Variants in VDAC1 observed in about 807,000 individuals in gnomAD.
The protein encoded by VDAC1 is non-selective voltage-gated ion channel VDAC1.
In VDAC1, 10 loss-of-function variants were observed where a neutral mutation model predicts 34.7. The observed-to-expected ratio is 0.29, with a 90% CI of 0.18 to 0.49. The LOEUF (loss-of-function observed/expected upper bound fraction) is 0.49, where lower values mean the gene tolerates loss of function less well. Ranked by LOEUF, VDAC1 falls within the 20% of genes least tolerant of loss-of-function variation. The pLI, the probability that VDAC1 is intolerant of heterozygous loss-of-function variation, is 0.99. For synonymous variants in VDAC1, 130 were observed against 136.0 expected, an observed-to-expected ratio of 0.96 and a Z score of 0.30; for missense variants, 230 against 347.9, an observed-to-expected ratio of 0.66 and a Z score of 2.69.
chr5:134,042,054 C>T, the VDAC1 span, among the ~76,000 whole-genome samples: 29 of 152,278 alleles, frequency 1.9e-4, no homozygotes, highest in African/African-American at 5.5e-4. Flanking sequence ...CTGAGCTGCC[C>T]GAGCAGAAAC....
the VDAC1 span, among the ~76,000 whole-genome samples, chr5:134,021,704 A>G: frequency 6.6e-6 from 1 of 152,178 alleles, no homozygotes; most frequent in Non-Finnish European, 1.5e-5. Context: ...CCTTACCACA[A>G]AATGTGGTGC....
the VDAC1 span, among the ~76,000 whole-genome samples, chr5:134,100,768 C>A: frequency 1.3e-5 from 2 of 152,248 alleles, no homozygotes; most frequent in African/African-American, 4.8e-5. Context: ...CAAGAAAGTG[C>A]TGTGCCTCCC....
At chr5:134,103,184 C>T in the VDAC1 span, among the ~76,000 whole-genome samples, 78 of 152,220 alleles carry the variant, frequency 5.1e-4, no homozygotes, top group African/African-American at 1.7e-3. Flanking sequence ...TGCAGTGGTG[C>T]AATCTCAGCT....
chr5:134,000,320 G>A (rs1753495806), intron 1 of VDAC1, among the ~76,000 whole-genome samples: 1 of 152,172 alleles, frequency 6.6e-6, no homozygotes, highest in Non-Finnish European at 1.5e-5. Flanking sequence ...TCCAGGGGTA[G>A]CTTCTATTTT....
the VDAC1 span, among the ~76,000 whole-genome samples, chr5:134,055,588 GTTTTTTTTTTTT>G: frequency 0.012 from 723 of 59,628 alleles, 28 homozygotes; most frequent in African/African-American, 0.05. Context: ...CCCCGCTAAT[GTTTTTTTTTTTT>G]TTTTTTTTTT....
chr5:134,033,079 C>T, the VDAC1 span, among the ~76,000 whole-genome samples: 4 of 146,576 alleles, frequency 2.7e-5, no homozygotes, highest in Middle Eastern at 3.8e-3. Context: ...GGAGAGGAAA[C>T]GAGAGAGAGG....
intron 5 of VDAC1, among the ~76,000 whole-genome samples, chr5:133,982,639 CAACACTTCGGGAG>C (rs1214722802): frequency 6.6e-6 from 1 of 152,108 alleles, no homozygotes; most frequent in Non-Finnish European, 1.5e-5. Context: ...CCTATAATCC[CAACACTTCGGGAG>C]GCCGAGGTGG....
At chr5:134,067,887 G>A in the VDAC1 span, among the ~76,000 whole-genome samples, 2 of 152,154 alleles carry the variant, frequency 1.3e-5, no homozygotes, top group Non-Finnish European at 2.9e-5. Flanking sequence ...GGAGGCCAAG[G>A]AAGGCGGATC....
At chr5:133,989,783 C>G (rs1006731485) in intron 5 of VDAC1, among the ~76,000 whole-genome samples, 1 of 152,158 alleles carries the variant, frequency 6.6e-6, no homozygotes, top group Non-Finnish European at 1.5e-5. Flanking sequence ...CTGCCTCAGC[C>G]TCCCAAGTAG....
the VDAC1 span, among the ~76,000 whole-genome samples, chr5:134,058,990 C>T: frequency 7.7e-4 from 118 of 152,336 alleles, 1 homozygote; most frequent in African/African-American, 2.8e-3. Context: ...AATGCAGAGG[C>T]TATGCACCCT....
chr5:134,009,936 C>A (rs1274726715), upstream of VDAC1, among the ~76,000 whole-genome samples: 1 of 152,184 alleles, frequency 6.6e-6, no homozygotes, highest in Admixed American at 6.5e-5. Flanking sequence ...CTGTCTTGGC[C>A]TCCCAAAGTG....
intron 6 of VDAC1, 101 bp from the exon 7 acceptor site, chr5:133,976,122 G>T: frequency 6.9e-7 from 1 of 1,440,428 alleles, no homozygotes; most frequent in Non-Finnish European, 9.7e-7. Context: ...TGACAGAAAT[G>T]GACTGAACCA....
At chr5:134,072,304 G>T in the VDAC1 span, among the ~76,000 whole-genome samples, 23 of 152,252 alleles carry the variant, frequency 1.5e-4, no homozygotes, top group Non-Finnish European at 2.5e-4. Context: ...TACTGCCCAG[G>T]ATTAAAACTG....
the VDAC1 span, among the ~76,000 whole-genome samples, chr5:134,079,649 C>G: frequency 6.6e-6 from 1 of 152,158 alleles, no homozygotes; most frequent in Non-Finnish European, 1.5e-5. Context: ...TACCATGTGC[C>G]CAGCCAGATC....
chr5:134,056,900 C>T, the VDAC1 span, among the ~76,000 whole-genome samples: 3 of 151,424 alleles, frequency 2.0e-5, no homozygotes, highest in South Asian at 2.1e-4. Context: ...AGGCTGGTCT[C>T]GAACTCCTGA....
chr5:134,094,426 C>T, the VDAC1 span, among the ~76,000 whole-genome samples: 7 of 152,132 alleles, frequency 4.6e-5, no homozygotes, highest in African/African-American at 1.7e-4. Context: ...TGGCCGGGCG[C>T]GGTGGCTCAC....
At chr5:134,114,125 G>T in the VDAC1 span, among the ~76,000 whole-genome samples, 4 of 152,206 alleles carry the variant, frequency 2.6e-5, no homozygotes, top group African/African-American at 9.6e-5. Flanking sequence ...GCGAAGGGGG[G>T]TATACTTATG....
At chr5:133,982,735 C>T (rs1355481167) in intron 5 of VDAC1, among the ~76,000 whole-genome samples, 2 of 151,606 alleles carry the variant, frequency 1.3e-5, no homozygotes, top group African/African-American at 4.8e-5. Context: ...ACTAAAAATG[C>T]AAAAATTAGC....
the VDAC1 span, among the ~76,000 whole-genome samples, chr5:134,028,810 C>T: frequency 2.0e-5 from 3 of 152,148 alleles, no homozygotes; most frequent in Admixed American, 1.3e-4. Flanking sequence ...TATCATCTGC[C>T]CAATCAGATG....
Sources: gnomAD v4.1 joint callset for allele counts (sites outside exome capture counted in the v4.1 genomes callset) on GRCh38, gnomAD v4.1.1 for gene constraint, MANE v1.5 for transcripts, NCBI Gene and HGNC (gene_info 2026-07-23, HGNC 2026-07-21) for gene names.